GSE1: variants seen among roughly 807,000 people sequenced by gnomAD.
GSE1 encodes the protein Gse1 coiled-coil protein.
In GSE1, 32 loss-of-function variants were observed where a neutral mutation model predicts 112.6. The ratio of observed to expected loss-of-function variants is 0.28; its 90% CI spans 0.21 to 0.38. The LOEUF (loss-of-function observed/expected upper bound fraction) is 0.38, where lower values mean the gene tolerates loss of function less well. Ranked by LOEUF, GSE1 falls within the 10% of genes least tolerant of loss-of-function variation. The probability of loss-of-function intolerance (pLI) is 1.00; values close to 1 mark genes in which losing one functional copy is unlikely to be tolerated. For missense variants in GSE1, 2,348 were observed against 1,699.2 expected (o/e 1.38, Z -6.71); for synonymous variants, 1,115 against 735.6 (o/e 1.52, Z -8.35).
chr16:85,312,317 T>G (rs1462941744), intron 1 of GSE1, among the ~76,000 whole-genome samples: 2 of 151,998 alleles, frequency 1.3e-5, no homozygotes, highest in East Asian at 3.9e-4. Flanking sequence ...ACTCACTTTT[T>G]CACGGTTCTG....
At chr16:85,583,110 G>C (rs963047099) in intron 1 of GSE1, among the ~76,000 whole-genome samples, 48 of 152,214 alleles carry the variant, frequency 3.2e-4, no homozygotes, top group African/African-American at 1.1e-3. Context: ...GTGGTGTCCT[G>C]GGGGTCTCCC....
In GSE1 at chr16:85,578,872, A is replaced by ATTT. The variant is rs757513584; in HGVS notation, c.37+22521_37+22523dup. Among the ~76,000 whole-genome samples, 4 of 141,522 alleles carry ATTT rather than the reference A, an allele frequency of 2.8e-5. No homozygotes were observed. The South Asian group carries it at 6.8e-4, about 24-fold the overall frequency. The allele number at this position is 141,522 out of a possible 152,430, so 92.8% of individuals were successfully genotyped here. On this transcript the variant is annotated intron_variant, in intron 1 of 2. Coordinates refer to the GSE1 transcript ENST00000635906. ...CACCCATCCTGCACACCTGATGTGC[A>ATTT]TTTTTTTTTTTTTTAGCATCTTACT...
At chr16:85,599,025 C>T (rs1241617217) in intron 1 of GSE1, among the ~76,000 whole-genome samples, 3 of 152,220 alleles carry the variant, frequency 2.0e-5, no homozygotes, top group Admixed American at 6.5e-5. Context: ...TGAATTAAAT[C>T]TTCCAGTAAC....
At chr16:85,669,163 C>A (rs1439770417) in intron 14 of GSE1, among the ~76,000 whole-genome samples, 2 of 152,244 alleles carry the variant, frequency 1.3e-5, no homozygotes, top group Non-Finnish European at 2.9e-5. Context: ...TTGCACAGGC[C>A]CCTTTGGGGA....
chr16:85,628,868 G>A (rs2049296290), intron 1 of GSE1, among the ~76,000 whole-genome samples: 1 of 152,206 alleles, frequency 6.6e-6, no homozygotes, highest in Admixed American at 6.5e-5. Context: ...CATGGCCTCT[G>A]TGTACCACTG....
chr16:85,579,713 G>A (rs1416406726), intron 1 of GSE1, among the ~76,000 whole-genome samples: 2 of 152,160 alleles, frequency 1.3e-5, no homozygotes, highest in African/African-American at 4.8e-5. Context: ...TCCCAGTCCC[G>A]GGTTCCTGCT....
At position 85,477,561 on chromosome 16, in the gene GSE1, T is replaced by A. The variant is rs550876263; in HGVS notation, c.2464+119918T>A. ...CTGCAGAAAAAGGTCTTAGGTTTTT[T>A]TTTTGTTTTTTTTTTTTGAGATGGA... On this transcript the variant is annotated intron_variant, in intron 2 of 2. Transcript: ENST00000637419. Among the ~76,000 whole-genome samples, 446 of 120,504 alleles carry A rather than the reference T, an allele frequency of 3.7e-3. 3 individuals carry two copies. The highest frequency in any genetic ancestry group is 0.011 in the African/African-American group (425 of 36,962). The allele number at this position is 120,504 out of a possible 152,430, so 79.1% of individuals were successfully genotyped here. A position where few individuals can be genotyped will look rare whatever the true frequency, so the allele number is the denominator to read the frequency against.
In GSE1 at chr16:85,212,922, G is replaced by C. The variant is rs142517130; in HGVS notation, c.2283+41115G>C. The stretch of plus-strand genomic sequence containing the variant: ...GCGGGAAGATCGCTCGAGCCCAGGA[G>C]TTTGAGACCAGCCTGGGCAACATGG... On this transcript the variant is annotated intron_variant, in intron 1 of 2. Transcript: ENST00000637419. Among the ~76,000 whole-genome samples, 1,365 of 152,230 alleles carry C rather than the reference G, an allele frequency of 9.0e-3. 25 individuals are homozygous for C. Among genetic ancestry groups the C allele is most frequent in the African/African-American group, 0.031 (1,290 of 41,546 alleles).
At position 85,634,085 on chromosome 16, in the gene GSE1, T is replaced by G; in HGVS notation, c.179T>G (p.Phe60Cys). ...LSAQAAPSSS[F>C]AAALRKLAKQ... is the part of the protein sequence containing the mutation. ...GCCCAGGCCGCGCCATCCTCCAGCT[T>G]TGCCGCCGCGCTGCGCAAGCTCGCC... The change falls in exon 2 of 16, where the codon TTT becomes TGT. Residue 60 changes from phenylalanine to cysteine, a missense_variant. Phe to Cys is a radical substitution (Grantham distance 205, BLOSUM62 -2). Transcript: ENST00000253458. The G allele has an allele frequency of 6.3e-7, 1 of 1,597,262 alleles. No homozygotes were observed. The highest frequency in any genetic ancestry group is 8.5e-7 in the Non-Finnish European group (1 of 1,173,058).
rs757906692 is a variant in GSE1, at chr16:85,655,715, TCTC to T, written c.798-10_798-8del. ...TCATTTGCTGCTCACAGCCCCGTCT[TCTC>T]TGCACAGGATGGACGACTCCTACTG... is the stretch of plus-strand genomic sequence containing the variant. On this transcript the variant is annotated splice_region_variant and splice_polypyrimidine_tract_variant and intron_variant, in intron 5 of 15. Transcript: ENST00000253458. 1.9e-6 allele frequency: 3 copies of T among 1,581,792 alleles called. No homozygotes were observed. The highest frequency in any genetic ancestry group is 2.6e-6 in the Non-Finnish European group (3 of 1,161,394).
chr16:85,324,235 C>G (rs1216913484), intron 1 of GSE1, among the ~76,000 whole-genome samples: 1 of 152,156 alleles, frequency 6.6e-6, no homozygotes, highest in Non-Finnish European at 1.5e-5. Context: ...GGTGGCCGGG[C>G]ACAGTGGCTC....
chr16:85,600,365 G>T (rs1355308980), intron 1 of GSE1, among the ~76,000 whole-genome samples: 5 of 152,180 alleles, frequency 3.3e-5, no homozygotes, highest in African/African-American at 1.2e-4. Context: ...GTGGGCCAAG[G>T]GGAGGGGCTG....
intron 2 of GSE1, among the ~76,000 whole-genome samples, chr16:85,465,057 G>A (rs559637687): frequency 3.3e-5 from 5 of 152,322 alleles, no homozygotes; most frequent in African/African-American, 9.6e-5. Flanking sequence ...GTGGGAGCCT[G>A]GGCAGTCCCA....
At chr16:85,360,784 C>T (rs1354757211) in intron 2 of GSE1, among the ~76,000 whole-genome samples, 2 of 152,084 alleles carry the variant, frequency 1.3e-5, no homozygotes, top group Non-Finnish European at 2.9e-5. Context: ...AAGTCAGACA[C>T]ACACACACAT....
rs549188364 is a variant in GSE1 at position 85,675,037 on chromosome 16, G to C, written c.*2498G>C. 6.6e-6 allele frequency: 1 copy of C among 152,572 alleles called. No homozygotes were observed. Among genetic ancestry groups the C allele is most frequent in the East Asian group, 1.9e-4 (1 of 5,192 alleles). 9.5% of individuals were successfully genotyped at this position (152,572 alleles called of 1,614,324 possible). On this transcript the variant is annotated 3_prime_UTR_variant, in exon 16 of 16. Coordinates refer to ENST00000253458, the MANE Select transcript of GSE1 (RefSeq NM_014615.5). The stretch of plus-strand genomic sequence containing the variant: ...CACCCAAGACACAGTACCCAGTCAT[G>C]GTTTCCCCATCCAACTATTAGTTTC...
At chr16:85,510,736 A>G (rs1157943621) in intron 2 of GSE1, among the ~76,000 whole-genome samples, 1 of 152,088 alleles carries the variant, frequency 6.6e-6, no homozygotes, top group Non-Finnish European at 1.5e-5. Flanking sequence ...GGAACCCCAG[A>G]GCCCCCCGCG....
chr16:85,613,178 C>T (rs1387158811), upstream of GSE1: 22 of 1,400,474 alleles, frequency 1.6e-5, no homozygotes, highest in Non-Finnish European at 1.7e-5. Flanking sequence ...GGGAGCGAGC[C>T]AGTGGCCCGG....
chr16:85,206,610 G>A (rs962525662), intron 1 of GSE1, among the ~76,000 whole-genome samples: 3 of 152,108 alleles, frequency 2.0e-5, no homozygotes, highest in Admixed American at 6.5e-5. Context: ...GGCCAAGGCC[G>A]GGGGGCCCCT....
intron 2 of GSE1, among the ~76,000 whole-genome samples, chr16:85,451,378 G>A (rs1158820922): frequency 6.6e-6 from 1 of 152,212 alleles, no homozygotes. Context: ...GAGTGTGCCA[G>A]GGTTGAGACC....
Sources: allele counts gnomAD v4.1 joint callset (sites outside exome capture counted in the v4.1 genomes callset), GRCh38; gene constraint gnomAD v4.1.1; transcripts MANE v1.5; gene names NCBI Gene and HGNC (gene_info 2026-07-23, HGNC 2026-07-21).